TET1: variants seen among roughly 807,000 people sequenced by gnomAD.
TET1 encodes methylcytosine dioxygenase TET1.
Under a neutral mutation model 148.7 loss-of-function variants are expected in TET1, and 13 were observed. The ratio of observed to expected loss-of-function variants is 0.09; its 90% CI spans 0.06 to 0.14. The LOEUF (loss-of-function observed/expected upper bound fraction) is 0.14. TET1 is among the 10% of genes least tolerant of loss of function. The pLI is 1.00. For missense variants in TET1, 2,182 were observed against 2,553.8 expected (o/e 0.85, Z 3.14); for synonymous variants, 907 against 937.2 (o/e 0.97, Z 0.59).
At chr10:68,631,218 T>G (rs1051062912) in intron 3 of TET1, among the ~76,000 whole-genome samples, 1 of 152,160 alleles carries the variant, frequency 6.6e-6, no homozygotes. Context: ...AAAACAAAGA[T>G]GATTCTGGCA....
Position 68,644,995 on chromosome 10 carries a change from G to A in TET1, c.2266G>A (p.Val756Ile), listed in dbSNP as rs376909245. 1.5e-4 allele frequency: 242 copies of A among 1,613,506 alleles called. No homozygotes were observed. Among genetic ancestry groups the A allele is most frequent in the South Asian group, 7.0e-4 (64 of 90,970 alleles). ...ATCTCCAAAATTGTTTGTACAAACC[G>A]TAAGAAATGGCATTAAACATGTACA... ...TKSPKLFVQT[V>I]RNGIKHVHCL... is the part of the protein sequence containing the mutation. The change falls in exon 4 of 12, where the codon GTA (valine) becomes ATA (isoleucine). Residue 756 changes from valine to isoleucine, a missense_variant. By Grantham distance (29) the Val-to-Ile change is conservative. Coordinates refer to ENST00000373644, the MANE Select transcript of TET1 (RefSeq NM_030625.3).
chr10:68,659,134 G>T (rs1564496993), intron 6 of TET1, among the ~76,000 whole-genome samples: 1 of 152,158 alleles, frequency 6.6e-6, no homozygotes, highest in Non-Finnish European at 1.5e-5. Flanking sequence ...GGCTGAGGCA[G>T]GAGTATAACT....
intron 3 of TET1, among the ~76,000 whole-genome samples, chr10:68,624,691 TCTC>T (rs1564975073): frequency 1.2e-4 from 16 of 129,758 alleles, no homozygotes; most frequent in African/African-American, 4.1e-4. Flanking sequence ...TCTCTCTCTC[TCTC>T]TCTTTCTTTC....
intron 2 of TET1, among the ~76,000 whole-genome samples, chr10:68,586,659 C>G (rs1564954898): frequency 6.8e-6 from 1 of 146,094 alleles, no homozygotes; most frequent in Non-Finnish European, 1.5e-5. Flanking sequence ...TTTTTTTTAA[C>G]AGATTTGAAG....
chr10:68,626,285 G>A (rs1021264652), intron 3 of TET1, among the ~76,000 whole-genome samples: 1 of 150,418 alleles, frequency 6.6e-6, no homozygotes, highest in African/African-American at 2.4e-5. Context: ...GTTTTGTTTG[G>A]ACACAAGGTC....
chr10:68,574,359 T>TGGCCGGGCGCGGTGGC, intron 2 of TET1, 107 bp downstream of exon 2: 1 of 855,194 alleles, frequency 1.2e-6, no homozygotes, highest in Non-Finnish European at 1.8e-6. Flanking sequence ...AGTGAATTGC[T>TGGCCGGGCGCGGTGGC]TCACTATTAC....
At chr10:68,664,347 T>C (rs993263606) in intron 6 of TET1, among the ~76,000 whole-genome samples, 1 of 152,054 alleles carries the variant, frequency 6.6e-6, no homozygotes, top group Non-Finnish European at 1.5e-5. Flanking sequence ...TGTATATATA[T>C]ATCATGTCAA....
intron 3 of TET1, among the ~76,000 whole-genome samples, chr10:68,626,383 T>C (rs1564976616): frequency 6.6e-6 from 1 of 152,008 alleles, no homozygotes; most frequent in Non-Finnish European, 1.5e-5. Context: ...TTTGTTTATG[T>C]AGATACAGAG....
Position 68,686,518 on chromosome 10 carries a change from C to T in TET1, c.5215C>T (p.Pro1739Ser). ...IKSGAIEVLA[P>S]RRKKRTCFTQ... is the part of the protein sequence containing the mutation. Reference sequence around the variant, plus strand: ...ATCTGGGGCCATCGAGGTCCTGGCACCCCGCCGCAAAAAAAGAACGTGTTT... The same window carrying T: ...ATCTGGGGCCATCGAGGTCCTGGCATCCCGCCGCAAAAAAAGAACGTGTTT... Residue 1739 changes from proline (P) to serine (S), a missense_variant, in exon 11 of 12, where the codon CCC becomes TCC. Transcript: ENST00000373644. The T allele has an allele frequency of 6.2e-7, 1 of 1,614,100 alleles. No homozygotes were observed. The highest frequency in any genetic ancestry group is 1.1e-5 in the South Asian group (1 of 91,078).
chr10:68,565,472 AAAAATATAT>A (rs1485127103), intron 1 of TET1, among the ~76,000 whole-genome samples: 14 of 51,098 alleles, frequency 2.7e-4, no homozygotes, highest in Non-Finnish European at 4.5e-5. Flanking sequence ...TTTAAAAAAA[AAAAATATAT>A]ATATATATAT....
At chr10:68,689,465 G>A (rs1426440194) in intron 11 of TET1, among the ~76,000 whole-genome samples, 2 of 151,986 alleles carry the variant, frequency 1.3e-5, no homozygotes, top group African/African-American at 4.8e-5. Context: ...CACTTTGGGA[G>A]GCAGAGGCGG....
chr10:68,635,836 A>C (rs1212292358), intron 3 of TET1, among the ~76,000 whole-genome samples: 1 of 152,202 alleles, frequency 6.6e-6, no homozygotes, highest in Admixed American at 6.6e-5. Context: ...TACCAAAAAC[A>C]AAACAACGAA....
At chr10:68,665,372 C>T (rs142399955) in intron 6 of TET1, among the ~76,000 whole-genome samples, 76 of 152,066 alleles carry the variant, frequency 5.0e-4, no homozygotes, top group African/African-American at 1.6e-3. Context: ...GGAAAATTGA[C>T]GTAATTATAA....
At position 68,646,692 on chromosome 10, in the gene TET1, T is replaced by G; in HGVS notation, c.3963T>G (p.Phe1321Leu). Residue 1321 changes from phenylalanine to leucine, a missense_variant, in exon 4 of 12, where the codon TTT (phenylalanine) becomes TTG (leucine). Around this residue, in one of 11 missense-constraint regions of TET1, gnomAD observed 582 missense variants for 599.5 expected, o/e 0.97. Coordinates refer to ENST00000373644, the MANE Select transcript of TET1 (RefSeq NM_030625.3). ...TGGCAGGCGATGACCAAATACGGTT[T>G]CAGCAGGTTGTTAAGGAGCAACTCA... ...NVMAGDDQIR[F>L]QQVVKEQLMH... 1.9e-6 allele frequency: 3 copies of G among 1,614,184 alleles called. No homozygotes were observed. Among genetic ancestry groups the G allele is most frequent in the Non-Finnish European group, 2.5e-6 (3 of 1,180,034 alleles).
At chr10:68,674,116 C>T (rs1051058242) in intron 8 of TET1, among the ~76,000 whole-genome samples, 2 of 151,826 alleles carry the variant, frequency 1.3e-5, no homozygotes, top group African/African-American at 4.8e-5. Context: ...CATGCACCAC[C>T]ATCATGCCCA....
chr10:68,684,696 A>G (rs546611123), intron 10 of TET1, among the ~76,000 whole-genome samples: 10 of 152,210 alleles, frequency 6.6e-5, no homozygotes, highest in Admixed American at 6.5e-4. Flanking sequence ...ATCTTCAAAC[A>G]TGTGAACTCT....
intron 7 of TET1, among the ~76,000 whole-genome samples, chr10:68,672,616 C>T (rs1029476480): frequency 2.0e-5 from 3 of 151,226 alleles, no homozygotes; most frequent in Admixed American, 6.6e-5. Flanking sequence ...TAGTTTATTC[C>T]CACTTATTTG....
intron 3 of TET1, among the ~76,000 whole-genome samples, chr10:68,631,433 CTTTTTT>C (rs546257824): frequency 2.1e-3 from 230 of 110,580 alleles, no homozygotes; most frequent in African/African-American, 6.8e-3. Context: ...TTTCTTTCTT[CTTTTTT>C]TTTTTTTTTT....
At position 68,682,985 on chromosome 10, in the gene TET1, T is replaced by A. The variant is rs745970706; in HGVS notation, c.5052+12T>A. ...ATGGAAGCACTGTGGTATGTACCTG[T>A]GTGAATTTGTATTCTAAAAGCTCCA... On this transcript the variant is annotated intron_variant, in intron 10 of 11. Coordinates refer to ENST00000373644, the MANE Select transcript of TET1 (RefSeq NM_030625.3). 70 of 1,611,742 alleles carry A rather than the reference T, an allele frequency of 4.3e-5. No individual in the cohort carries two copies. Among genetic ancestry groups the A allele is most frequent in the Non-Finnish European group, 5.4e-5 (64 of 1,179,626 alleles).
Sources: gnomAD v4.1 joint callset for allele counts (sites outside exome capture counted in the v4.1 genomes callset) on GRCh38, gnomAD v4.1.1 for gene constraint, gnomAD v4.1.1 regional missense constraint, MANE v1.5 for transcripts, NCBI Gene and HGNC (gene_info 2026-07-23, HGNC 2026-07-21) for gene names.